Variants in TBC1D30 observed in about 807,000 individuals in gnomAD.
TBC1D30 encodes the protein TBC1 domain family, member 30.
In TBC1D30, 31 loss-of-function variants were observed where a neutral mutation model predicts 63.2. The ratio of observed to expected loss-of-function variants is 0.49; its 90% CI spans 0.37 to 0.66. The LOEUF (loss-of-function observed/expected upper bound fraction) is 0.66. TBC1D30 is among the 30% of genes least tolerant of loss of function. The pLI is 0.00. For synonymous variants in TBC1D30, 307 were observed against 361.5 expected (o/e 0.85, Z 1.71); for missense variants, 810 against 953.6 (o/e 0.85, Z 1.98).
intron 7 of TBC1D30, 143 bp downstream of exon 7, chr12:64,838,994 A>T: frequency 1.2e-6 from 1 of 804,710 alleles, no homozygotes; most frequent in Non-Finnish European, 1.9e-6. Flanking sequence ...AAATCTCAGC[A>T]GGCTCATTGC....
intron 2 of TBC1D30, among the ~76,000 whole-genome samples, chr12:64,819,154 A>G (rs561776500): frequency 3.6e-4 from 55 of 152,336 alleles, no homozygotes; most frequent in African/African-American, 1.3e-3. Context: ...ACAAAATACA[A>G]AAGCTACACC....
At chr12:64,824,005 C>A (rs183580672), upstream of TBC1D30, among the ~76,000 whole-genome samples, 1,169 of 151,200 alleles carry the variant, frequency 7.7e-3, 20 homozygotes, top group African/African-American at 0.027. Context: ...ATCCCCCCCC[C>A]ACACCCTTTC....
At chr12:64,841,526 G>A (rs527969877) in intron 7 of TBC1D30, among the ~76,000 whole-genome samples, 4 of 152,236 alleles carry the variant, frequency 2.6e-5, no homozygotes, top group Admixed American at 1.3e-4. Context: ...AAGCCTTTTC[G>A]TGACTCATGC....
In TBC1D30 at chr12:64,875,345, A is replaced by G. The variant is rs1410581905; in HGVS notation, c.1843A>G (p.Thr615Ala). 12 of 1,536,140 alleles carry G rather than the reference A, an allele frequency of 7.8e-6. No individual in the cohort carries two copies. The highest frequency in any genetic ancestry group is 1.4e-5 in the African/African-American group (1 of 73,048). The change falls in exon 12 of 12, where the codon ACA (threonine) becomes GCA (alanine). Residue 615 changes from threonine (T) to alanine (A), a missense_variant. Transcript: ENST00000539867. ...GAAEAFPSGC[T>A]ATAGREGSSP... The stretch of plus-strand genomic sequence containing the variant: ...AGCAGAGGCATTCCCCTCTGGTTGT[A>G]CAGCGACAGCTGGGAGAGAAGGCAG...
At chr12:64,844,816 T>C (rs1183308651) in intron 8 of TBC1D30, among the ~76,000 whole-genome samples, 1 of 152,194 alleles carries the variant, frequency 6.6e-6, no homozygotes, top group African/African-American at 2.4e-5. Flanking sequence ...TATAATGACC[T>C]CCATTTCCAT....
At chr12:64,840,847 T>A (rs1370541375) in intron 7 of TBC1D30, among the ~76,000 whole-genome samples, 1 of 152,234 alleles carries the variant, frequency 6.6e-6, no homozygotes, top group African/African-American at 2.4e-5. Flanking sequence ...AGTTTTTGCT[T>A]ATTATAATTC....
Position 64,870,572 on chromosome 12 carries a change from ATCTCCTTATGTC to A in TBC1D30, c.1292-27_1292-16del. On this transcript the variant is annotated intron_variant, in intron 10 of 11. Coordinates refer to ENST00000539867, the MANE Select transcript of TBC1D30 (RefSeq NM_015279.2). Reference sequence around the variant, plus strand: ...TTACTCCTGTTCCCCTCCACCGACCATCTCCTTATGTCTCATCCTTCGAGCGCAGAGCCAAAT... The same window carrying A: ...TTACTCCTGTTCCCCTCCACCGACCATCATCCTTCGAGCGCAGAGCCAAAT... The A allele has an allele frequency of 6.6e-7, 1 of 1,525,280 alleles. No individual in the cohort carries two copies. Among genetic ancestry groups the A allele is most frequent in the African/African-American group, 1.4e-5 (1 of 72,906 alleles). The allele number at this position is 1,525,280 out of a possible 1,614,324, so 94.5% of individuals were successfully genotyped here.
rs541241663 is a variant in TBC1D30, at chr12:64,878,233, A to G, written c.*2445A>G. 3.2e-6 allele frequency: 1 copy of G among 316,034 alleles called. No homozygotes were observed. Among genetic ancestry groups the G allele is most frequent in the Admixed American group, 4.0e-5 (1 of 25,196 alleles). 19.6% of individuals were successfully genotyped at this position (316,034 alleles called of 1,614,324 possible). A position where few individuals can be genotyped will look rare whatever the true frequency, so the allele number is the denominator to read the frequency against. On this transcript the variant is annotated 3_prime_UTR_variant, in exon 12 of 12. Transcript: ENST00000539867. ...TGCATGCATTGTACCAAGTAATCAC[A>G]ATGTGAATTGGTCAATTTATGAGCC...
chr12:64,818,434 T>G (rs1873682983), intron 2 of TBC1D30: 1 of 982,180 alleles, frequency 1.0e-6, no homozygotes, highest in Admixed American at 6.2e-5. Context: ...CAGTAAACTG[T>G]AAACTATTTT....
chr12:64,829,935 T>C lies in TBC1D30; in HGVS notation c.283-442T>C, dbSNP rs1383838145. Among the ~76,000 whole-genome samples, 6 of 152,304 alleles carry C rather than the reference T, an allele frequency of 3.9e-5. 2 individuals carry two copies. Among genetic ancestry groups the C allele is most frequent in the Admixed American group, 3.9e-4 (6 of 15,298 alleles). ...GTGTATGTGTGTGAGAGGGATGGTT[T>C]AAAGGCAGAGGCCACTCCATGGTGA... On this transcript the variant is annotated intron_variant, in intron 3 of 11. Transcript: ENST00000539867.
intron 1 of TBC1D30, among the ~76,000 whole-genome samples, chr12:64,785,613 T>C (rs1031710227): frequency 2.0e-5 from 3 of 152,158 alleles, no homozygotes; most frequent in African/African-American, 7.2e-5. Context: ...CAGAGCTAGA[T>C]ATGGTAAAAG....
intron 5 of TBC1D30, among the ~76,000 whole-genome samples, chr12:64,835,867 G>A (rs1171109291): frequency 1.3e-5 from 2 of 152,120 alleles, no homozygotes; most frequent in African/African-American, 4.8e-5. Context: ...GGTAATACAA[G>A]TAGAAAAATC....
chr12:64,784,496 G>A (rs1306470077), intron 1 of TBC1D30, among the ~76,000 whole-genome samples: 1 of 151,144 alleles, frequency 6.6e-6, no homozygotes, highest in Admixed American at 6.6e-5. Flanking sequence ...CTTTAAAAAT[G>A]AGTAGATCCA....
At chr12:64,865,857 T>A (rs1339929068) in intron 9 of TBC1D30, among the ~76,000 whole-genome samples, 2 of 152,144 alleles carry the variant, frequency 1.3e-5, no homozygotes, top group Non-Finnish European at 2.9e-5. Context: ...CTATGGGGCG[T>A]GTACATCCAG....
At chr12:64,852,401 T>C (rs1024177082) in intron 8 of TBC1D30, among the ~76,000 whole-genome samples, 1 of 152,148 alleles carries the variant, frequency 6.6e-6, no homozygotes, top group Non-Finnish European at 1.5e-5. Context: ...TAGCAATTCC[T>C]CTAACCTTTC....
At chr12:64,832,005 A>T (rs968560384) in intron 4 of TBC1D30, 114 bp from the exon 5 acceptor site, 75 of 1,069,916 alleles carry the variant, frequency 7.0e-5, no homozygotes, top group Admixed American at 1.2e-4. Flanking sequence ...TACACATTTT[A>T]AAAAAATTTT....
At chr12:64,778,519 G>C (rs559828667), upstream of TBC1D30, among the ~76,000 whole-genome samples, 37 of 151,006 alleles carry the variant, frequency 2.5e-4, no homozygotes, top group African/African-American at 9.0e-4. Context: ...ATGTCAAATA[G>C]GGTGGTTATG....
At chr12:64,869,222 A>G (rs1279766872) in intron 10 of TBC1D30, among the ~76,000 whole-genome samples, 1 of 152,186 alleles carries the variant, frequency 6.6e-6, no homozygotes, top group African/African-American at 2.4e-5. Context: ...GCCATCTGCT[A>G]ACTTTTTACT....
intron 2 of TBC1D30, among the ~76,000 whole-genome samples, chr12:64,811,398 G>T (rs573117418): frequency 2.0e-5 from 3 of 152,324 alleles, no homozygotes; most frequent in Non-Finnish European, 4.4e-5. Flanking sequence ...TCTCTATGGA[G>T]AGGGTCTTCA....
Sources: gnomAD v4.1 joint callset for allele counts (sites outside exome capture counted in the v4.1 genomes callset) on GRCh38, gnomAD v4.1.1 for gene constraint, MANE v1.5 for transcripts, NCBI Gene and HGNC (gene_info 2026-07-23, HGNC 2026-07-21) for gene names.